The following SYT3 variants were observed in gnomAD, a reference collection of about 807,000 sequenced individuals.
SYT3 encodes synaptotagmin 3, also known as synaptotagmin-3.
In SYT3, 25 loss-of-function variants were observed where a neutral mutation model predicts 50.6. The observed-to-expected ratio is 0.49, with a 90% CI of 0.36 to 0.69. The LOEUF (loss-of-function observed/expected upper bound fraction) is 0.69, where lower values mean the gene tolerates loss of function less well. Ranked by LOEUF, SYT3 falls within the 30% of genes least tolerant of loss-of-function variation. The pLI is 0.00. For missense variants in SYT3, 589 were observed against 793.6 expected (o/e 0.74, Z 3.10); for synonymous variants, 323 against 353.9 (o/e 0.91, Z 0.98).
chr19:50,625,616 G>T lies in SYT3; in HGVS notation c.1403-52C>A. 6.6e-7 allele frequency: 1 copy of T among 1,512,572 alleles called. No homozygotes were observed. The allele number at this position is 1,512,572 out of a possible 1,614,324, so 93.7% of individuals were successfully genotyped here. A position where few individuals can be genotyped will look rare whatever the true frequency, so the allele number is the denominator to read the frequency against. ...AGAGACTCACTCCCTCAGACCTAGG[G>T]GTCCAGGACCCCAGGCCCCGAGCCC... is the stretch of plus-strand genomic sequence containing the variant. On this transcript the variant is annotated intron_variant, in intron 7 of 10. Coordinates refer to ENST00000600079, the MANE Select transcript of SYT3 (RefSeq NM_001160329.2). The surrounding 1 kb of genome is among the most constrained non-coding windows in gnomAD (Gnocchi z 7.5).
chr19:50,635,740 C>A (rs532525726), intron 3 of SYT3, among the ~76,000 whole-genome samples: 1 of 152,302 alleles, frequency 6.6e-6, no homozygotes, highest in East Asian at 1.9e-4. Context: ...AATAAAAACC[C>A]TGCCCACCAA....
intron 6 of SYT3, 23 bp downstream of exon 6, chr19:50,629,271 G>C: frequency 1.3e-6 from 2 of 1,572,538 alleles, no homozygotes; most frequent in Non-Finnish European, 1.7e-6. Context: ...GGAAGGGGAA[G>C]GTCAGGGGAG....
upstream of SYT3, among the ~76,000 whole-genome samples, chr19:50,640,724 G>GA (rs112696343): frequency 3.8e-3 from 563 of 149,884 alleles, no homozygotes; most frequent in East Asian, 0.011. Context: ...TAGCTGATGA[G>GA]AAAAAAAAAA....
chr19:50,648,969 A>G, the SYT3 span, among the ~76,000 whole-genome samples: 1 of 151,710 alleles, frequency 6.6e-6, no homozygotes, highest in South Asian at 2.1e-4. Context: ...GGAGAGGCAG[A>G]AAACGATGAA....
chr19:50,632,536 AG>A lies in SYT3; in HGVS notation c.423del (p.Phe142LeufsTer97). The A allele has an allele frequency of 1.9e-6, 3 of 1,606,762 alleles. No individual in the cohort carries two copies. Among genetic ancestry groups the A allele is most frequent in the Non-Finnish European group, 2.5e-6 (3 of 1,178,032 alleles). ...CTGCCTGGCTCCAGCAGCTCAGCAA[AG>A]GGTGGATGGTGGGCGGCATGGGCAT... ...HHHAHAAHHP[P>X]FAELLEPGSL... On this transcript the variant is annotated frameshift_variant, in exon 4 of 11. Transcript: ENST00000600079. LOFTEE classifies it high-confidence loss of function. This position sits in a 1 kb window ranked among gnomAD's most constrained non-coding sequence, Gnocchi z 4.7.
chr19:50,649,410 A>C, the SYT3 span: 1 of 1,535,644 alleles, frequency 6.5e-7, no homozygotes, highest in Non-Finnish European at 8.7e-7. Context: ...CTCTCTTGCC[A>C]CCTTCCTGAG....
At chr19:50,636,280 C>G (rs1447681834) in intron 3 of SYT3, among the ~76,000 whole-genome samples, 2 of 152,078 alleles carry the variant, frequency 1.3e-5, no homozygotes, top group Non-Finnish European at 2.9e-5. Flanking sequence ...GACAGACAAA[C>G]AAAAACAGTT....
At chr19:50,642,274 C>T (rs901761222), upstream of SYT3, among the ~76,000 whole-genome samples, 5 of 152,262 alleles carry the variant, frequency 3.3e-5, no homozygotes, top group African/African-American at 7.2e-5. Flanking sequence ...GGGAGAGACA[C>T]GCAGTGATGC....
At chr19:50,634,122 C>G (rs1329611505) in intron 3 of SYT3, among the ~76,000 whole-genome samples, 2 of 152,206 alleles carry the variant, frequency 1.3e-5, no homozygotes, top group Non-Finnish European at 2.9e-5. Context: ...TTCTTACAAT[C>G]AAAGGTTTTA....
Position 50,632,621 on chromosome 19 carries a change from G to A in SYT3, c.339C>T (p.Gly113=), listed in dbSNP as rs1177279654. The change falls in exon 4 of 11, where the codon GGC becomes GGT. Residue 113 remains glycine, a synonymous_variant. Coordinates refer to ENST00000600079, the MANE Select transcript of SYT3 (RefSeq NM_001160329.2). This position sits in a 1 kb window ranked among gnomAD's most constrained non-coding sequence, Gnocchi z 4.7. The stretch of plus-strand genomic sequence containing the variant: ...CCAGGCCAGCCGCCAGGTGGTGCCC[G>A]CCTCCGCCTACCAGGCCTGCCAGCC... The part of the protein sequence containing the change: ...GVGLAGLVGG[G]GHHLAAGLGG... 1.1e-5 allele frequency: 17 copies of A among 1,578,928 alleles called. No homozygotes were observed. The highest frequency in any genetic ancestry group is 6.8e-5 in the South Asian group (6 of 88,748).
At chr19:50,655,994 C>G in the SYT3 span, 1 of 1,497,328 alleles carries the variant, frequency 6.7e-7, no homozygotes, top group Non-Finnish European at 9.0e-7. Context: ...GCCATTTAAG[C>G]AGAATCATGG....
chr19:50,656,385 G>A, the SYT3 span: 1 of 1,511,456 alleles, frequency 6.6e-7, no homozygotes, highest in Non-Finnish European at 8.8e-7. Flanking sequence ...CACAGTTTTG[G>A]TGGGGTGATG....
In SYT3 at chr19:50,639,812, T is replaced by C. The variant is rs75374149; in HGVS notation, c.-176A>G. 2.6e-4 allele frequency: 16 copies of C among 62,282 alleles called. No individual in the cohort carries two copies. Among genetic ancestry groups the C allele is most frequent in the South Asian group, 1.7e-3 (5 of 2,954 alleles). The allele number at this position is 62,282 out of a possible 1,614,324, so 3.9% of individuals were successfully genotyped here. ...CACCCGGAGCCGCCGCTGCCGCCGC[T>C]GCCGCCGCCGCCGCCGCCGCAGCCC... On this transcript the variant is annotated 5_prime_UTR_variant, in exon 1 of 11. Coordinates refer to ENST00000600079, the MANE Select transcript of SYT3 (RefSeq NM_001160329.2). The surrounding 1 kb of genome is among the most constrained non-coding windows in gnomAD (Gnocchi z 4.6).
At chr19:50,635,116 C>T (rs1338274103) in intron 3 of SYT3, among the ~76,000 whole-genome samples, 3 of 151,934 alleles carry the variant, frequency 2.0e-5, no homozygotes, top group African/African-American at 4.8e-5. Flanking sequence ...TAGGGTTTTA[C>T]CATGGATGGT....
At chr19:50,638,436 C>T (rs1984565147) in intron 2 of SYT3, among the ~76,000 whole-genome samples, 2 of 150,714 alleles carry the variant, frequency 1.3e-5, no homozygotes. Flanking sequence ...GGTGGAGATG[C>T]AGAGATGGGG....
At chr19:50,653,120 C>A in the SYT3 span, among the ~76,000 whole-genome samples, 3 of 152,218 alleles carry the variant, frequency 2.0e-5, no homozygotes, top group African/African-American at 7.2e-5. Context: ...TCACTGCAAT[C>A]TCTGCCTCCA....
At chr19:50,655,943 C>T in the SYT3 span, 3 of 1,053,788 alleles carry the variant, frequency 2.8e-6, no homozygotes, top group East Asian at 5.2e-5. Context: ...ATCTGGCATA[C>T]AAGCTATTCT....
In SYT3 at chr19:50,632,921, A is replaced by G. The variant is rs1185275377; in HGVS notation, c.149-110T>C. 1 of 864,882 alleles carries G rather than the reference A, an allele frequency of 1.2e-6. No individual in the cohort carries two copies. The highest frequency in any genetic ancestry group is 1.7e-6 in the Non-Finnish European group (1 of 605,300). 53.6% of individuals were successfully genotyped at this position (864,882 alleles called of 1,614,324 possible). A position where few individuals can be genotyped will look rare whatever the true frequency, so the allele number is the denominator to read the frequency against. On this transcript the variant is annotated intron_variant, in intron 3 of 10. Coordinates refer to ENST00000600079, the MANE Select transcript of SYT3 (RefSeq NM_001160329.2). This position sits in a 1 kb window ranked among gnomAD's most constrained non-coding sequence, Gnocchi z 4.7. ...ATATTTGCCATGCAATTGTCCATGC[A>G]ATTGCAAGTGCCAGGCACTTTACAT...
intron 3 of SYT3, among the ~76,000 whole-genome samples, chr19:50,633,086 A>G (rs1203506781): frequency 6.6e-6 from 1 of 152,172 alleles, no homozygotes; most frequent in African/African-American, 2.4e-5. Flanking sequence ...GGCTCAAGCA[A>G]TCCTCTTACC....
Sources: allele counts gnomAD v4.1 joint callset (sites outside exome capture counted in the v4.1 genomes callset), GRCh38; gene constraint gnomAD v4.1.1; non-coding constraint Gnocchi (gnomAD v3.1); transcripts MANE v1.5; gene names NCBI Gene and HGNC (gene_info 2026-07-23, HGNC 2026-07-21).